The following MID1 variants were observed in gnomAD, a reference collection of about 807,000 sequenced individuals.
MID1 encodes midline 1, also known as E3 ubiquitin-protein ligase Midline-1.
In MID1, 7 loss-of-function variants were observed where a neutral mutation model predicts 40.4. The ratio of observed to expected loss-of-function variants is 0.17; its 90% confidence interval spans 0.10 to 0.33. The LOEUF is 0.33. Ranked by LOEUF, MID1 falls within the 10% of genes least tolerant of loss-of-function variation. MID1 has a pLI of 1.00. For synonymous variants in MID1, 229 were observed against 221.2 expected, an observed-to-expected ratio of 1.04 and a Z score of -0.31; for missense variants, 367 against 558.5, an observed-to-expected ratio of 0.66 and a Z score of 3.46.
At chrX:10,456,157 G>A (rs942248528) in intron 8 of MID1, among the ~76,000 whole-genome samples, 2 of 112,572 alleles carry the variant, frequency 1.8e-5, no homozygotes, top group Middle Eastern at 4.6e-3. Flanking sequence ...GATGCTGGGC[G>A]AGAAACTGAC....
chrX:10,666,871 A>AAATATGCAAT (rs1164425645), intron 1 of MID1, among the ~76,000 whole-genome samples: 1 of 112,113 alleles, frequency 8.9e-6, no homozygotes, highest in African/African-American at 3.2e-5. Context: ...GCAGGGGCTT[A>AAATATGCAAT]AATATGCAAT....
chrX:10,524,449 T>C (rs2147372175), intron 2 of MID1, among the ~76,000 whole-genome samples: 1 of 112,322 alleles, frequency 8.9e-6, no homozygotes, highest in East Asian at 2.8e-4. Flanking sequence ...AGAAAGTTTA[T>C]GAATTTGTGT....
chrX:10,459,539 G>A (rs187796930), intron 8 of MID1, 107 bp downstream of exon 8: 2 of 864,774 alleles, frequency 2.3e-6, no homozygotes, highest in Non-Finnish European at 1.7e-6. Context: ...GTTTTGGGGG[G>A]CTGTCAATGA....
chrX:10,492,016 TTTTC>T (rs1930978613), intron 4 of MID1, among the ~76,000 whole-genome samples: 1 of 111,654 alleles, frequency 9.0e-6, no homozygotes, highest in African/African-American at 3.3e-5. Context: ...TGCAGCTGAG[TTTTC>T]TTTCTAATTT....
chrX:10,753,417 A>G (rs1260007691), intron 1 of MID1, among the ~76,000 whole-genome samples: 1 of 111,471 alleles, frequency 9.0e-6, no homozygotes, highest in Non-Finnish European at 1.9e-5. Context: ...CTCAGTGCTC[A>G]TATATAATTT....
intron 1 of MID1, among the ~76,000 whole-genome samples, chrX:10,636,750 T>G (rs1336169097): frequency 3.4e-5 from 3 of 88,233 alleles, no homozygotes; most frequent in African/African-American, 1.3e-4. Flanking sequence ...GACTATGGAT[T>G]TGATGCTGAC....
chrX:10,505,433 C>A lies in MID1; in HGVS notation c.757-9742G>T, dbSNP rs1221643638. ...ATAATTCATTGAAAAACAATAAACT[C>A]CTCCCTTCCTTTCTCTTATTAATTA... On this transcript the variant is annotated intron_variant, in intron 3 of 9. Coordinates refer to ENST00000317552, the MANE Select transcript of MID1 (RefSeq NM_000381.4). 3 of 750,766 alleles carry A rather than the reference C, an allele frequency of 4.0e-6. No homozygotes were observed. In the African/African-American group the frequency reaches 7.0e-5, roughly 17 times the overall value. The allele number at this position is 750,766 out of a possible 1,213,427, so 61.9% of individuals were successfully genotyped here. A position where few individuals can be genotyped will look rare whatever the true frequency, so the allele number is the denominator to read the frequency against.
intron 1 of MID1, among the ~76,000 whole-genome samples, chrX:10,591,344 A>G (rs1371367082): frequency 8.9e-6 from 1 of 112,461 alleles, no homozygotes; most frequent in Non-Finnish European, 1.9e-5. Context: ...TCCTTATATA[A>G]GTCAACAGGG....
intron 1 of MID1, among the ~76,000 whole-genome samples, chrX:10,701,438 C>G (rs2043193510): frequency 8.9e-6 from 1 of 111,782 alleles, no homozygotes; most frequent in South Asian, 3.7e-4. Context: ...CCTGCGACCC[C>G]CATTGTCTCT....
intron 1 of MID1, among the ~76,000 whole-genome samples, chrX:10,626,128 A>G (rs143426179): frequency 0.014 from 1,518 of 110,641 alleles, 33 homozygotes; most frequent in African/African-American, 0.047. Flanking sequence ...TTGTTATAGA[A>G]CAGTCCTTAA....
intron 2 of MID1, among the ~76,000 whole-genome samples, chrX:10,555,795 C>T (rs1934096273): frequency 9.1e-6 from 1 of 110,450 alleles, no homozygotes; most frequent in Non-Finnish European, 1.9e-5. Context: ...CGGATTTTCC[C>T]CCTCAATAAA....
intron 9 of MID1, among the ~76,000 whole-genome samples, chrX:10,452,146 C>G (rs976947917): frequency 9.0e-6 from 1 of 111,559 alleles, no homozygotes; most frequent in African/African-American, 3.3e-5. Flanking sequence ...TATGAAATAG[C>G]TGTGGCAGGT....
chrX:10,766,612 C>T (rs979247424), intron 1 of MID1, among the ~76,000 whole-genome samples: 1 of 111,644 alleles, frequency 9.0e-6, no homozygotes, highest in African/African-American at 3.3e-5. Context: ...TTATTTCAAC[C>T]CAAATCAGAT....
At chrX:10,586,444 T>C (rs1935144418) in intron 1 of MID1, among the ~76,000 whole-genome samples, 1 of 111,500 alleles carries the variant, frequency 9.0e-6, no homozygotes, top group South Asian at 3.8e-4. Flanking sequence ...TTAAGGATGG[T>C]CTTGGAGGTT....
upstream of MID1, among the ~76,000 whole-genome samples, chrX:10,622,396 G>A (rs1935944714): frequency 9.0e-6 from 1 of 111,385 alleles, no homozygotes; most frequent in Non-Finnish European, 1.9e-5. Flanking sequence ...CTCTCTCAAG[G>A]ACTGAGCCCT....
chrX:10,455,122 TGTTTATTTTATCATAA>T (rs755834298), intron 8 of MID1, 45 bp from the exon 9 acceptor site: 3 of 1,088,308 alleles, frequency 2.8e-6, no homozygotes, highest in Non-Finnish European at 3.8e-6. Context: ...GGAAGAGGAT[TGTTTATTTTATCATAA>T]CCAATAGCAT....
chrX:10,446,766 G>A lies in MID1; in HGVS notation c.*2602C>T, dbSNP rs1928057019. Reference sequence around the variant, plus strand: ...AGCAGAGCATTAAATCAGGCTTAGGGCCCTTCTGAACTCCTGGGCTCTGGG... The same window carrying A: ...AGCAGAGCATTAAATCAGGCTTAGGACCCTTCTGAACTCCTGGGCTCTGGG... On this transcript the variant is annotated 3_prime_UTR_variant, in exon 10 of 10. Transcript: ENST00000317552. The A allele has an allele frequency of 8.9e-6, 1 of 111,918 alleles. No individual in the cohort carries two copies. Among genetic ancestry groups the A allele is most frequent in the Admixed American group, 9.4e-5 (1 of 10,587 alleles). The allele number at this position is 111,918 out of a possible 1,213,427, so 9.2% of individuals were successfully genotyped here.
chrX:10,532,666 C>T (rs776404293), intron 2 of MID1, among the ~76,000 whole-genome samples: 16 of 112,437 alleles, frequency 1.4e-4, no homozygotes, highest in African/African-American at 5.2e-4. Flanking sequence ...ACTTTCAAAT[C>T]AGGAGATATT....
chrX:10,560,365 T>G (rs966139145), intron 2 of MID1, among the ~76,000 whole-genome samples: 1 of 111,518 alleles, frequency 9.0e-6, no homozygotes, highest in African/African-American at 3.3e-5. Context: ...TTGGAAATTC[T>G]GGCCAGGGCA....
Sources: gnomAD v4.1 joint callset for allele counts (sites outside exome capture counted in the v4.1 genomes callset) on GRCh38, gnomAD v4.1.1 for gene constraint, MANE v1.5 for transcripts, NCBI Gene and HGNC (gene_info 2026-07-23, HGNC 2026-07-21) for gene names.